Variants in GRK3 observed in about 807,000 individuals in gnomAD.
GRK3 encodes the protein adrenergic, beta, receptor kinase 2.
A neutral mutation model predicts 95.7 loss-of-function variants in GRK3; 54 were observed. The observed-to-expected ratio is 0.56, with a 90% confidence interval of 0.45 to 0.71. The LOEUF (loss-of-function observed/expected upper bound fraction) is 0.71, where lower values mean the gene tolerates loss of function less well. Among genes scored for constraint, GRK3 ranks in the 30% least tolerant of loss-of-function variants. The pLI, the probability that GRK3 is intolerant of heterozygous loss-of-function variation, is 0.00. For synonymous variants in GRK3, 281 were observed against 290.8 expected (o/e 0.97, Z 0.34); for missense variants, 649 against 851.2 (o/e 0.76, Z 2.96).
chr22:25,580,165 C>G (rs1346734209), intron 1 of GRK3: 3 of 152,302 alleles, frequency 2.0e-5, no homozygotes, highest in African/African-American at 7.2e-5. Flanking sequence ...AAGCAACAGA[C>G]AGAAAGGGCA....
intron 3 of GRK3, among the ~76,000 whole-genome samples, chr22:25,647,024 A>C (rs1323626253): frequency 1.4e-5 from 2 of 143,548 alleles, no homozygotes; most frequent in Non-Finnish European, 3.1e-5. Context: ...TTGTCTCAAA[A>C]AAAAAAAAAA....
intron 1 of GRK3, among the ~76,000 whole-genome samples, chr22:25,584,054 G>T (rs1424336162): frequency 6.6e-6 from 1 of 152,224 alleles, no homozygotes; most frequent in East Asian, 1.9e-4. Flanking sequence ...TATGAAACTA[G>T]AATCAACTGG....
chr22:25,611,829 G>GACTTT (rs1569163613), intron 2 of GRK3, among the ~76,000 whole-genome samples: 1 of 138,004 alleles, frequency 7.2e-6, no homozygotes, highest in African/African-American at 2.7e-5. Context: ...ATAGTTTAGT[G>GACTTT]TCTTTTTTTT....
chr22:25,715,758 C>A (rs2085379033), intron 18 of GRK3, among the ~76,000 whole-genome samples: 1 of 152,110 alleles, frequency 6.6e-6, no homozygotes, highest in Admixed American at 6.5e-5. Flanking sequence ...CCTTATGTAA[C>A]AAGAATGGCC....
At chr22:25,682,945 C>T (rs2085085944) in intron 9 of GRK3, among the ~76,000 whole-genome samples, 3 of 152,244 alleles carry the variant, frequency 2.0e-5, no homozygotes, top group African/African-American at 4.8e-5. Context: ...GCTTCTCTCA[C>T]TCCATGTTGC....
At chr22:25,612,434 G>GT (rs943372127) in intron 2 of GRK3, among the ~76,000 whole-genome samples, 34 of 152,052 alleles carry the variant, frequency 2.2e-4, no homozygotes, top group Non-Finnish European at 3.1e-4. Context: ...AATAGAATGA[G>GT]TTTTTTTGTA....
chr22:25,672,281 T>C lies in GRK3; in HGVS notation c.504-15T>C, dbSNP rs2084989260. 2.3e-6 allele frequency: 3 copies of C among 1,297,672 alleles called. No individual in the cohort carries two copies. The allele number at this position is 1,297,672 out of a possible 1,614,324, so 80.4% of individuals were successfully genotyped here. A position where few individuals can be genotyped will look rare whatever the true frequency, so the allele number is the denominator to read the frequency against. On this transcript the variant is annotated splice_polypyrimidine_tract_variant and intron_variant, in intron 6 of 20. Transcript: ENST00000324198. ...TGATATTTAACTTTTTAGTAATTAT[T>C]TTATTCTCTTTTAGTGACAAGTTCA...
intron 17 of GRK3, among the ~76,000 whole-genome samples, chr22:25,712,937 G>A (rs891439717): frequency 3.9e-5 from 6 of 152,232 alleles, no homozygotes; most frequent in African/African-American, 1.2e-4. Flanking sequence ...GCAGGGGACT[G>A]CATTTTAAGA....
intron 2 of GRK3, among the ~76,000 whole-genome samples, chr22:25,635,115 A>G (rs2084690600): frequency 6.6e-6 from 1 of 152,210 alleles, no homozygotes; most frequent in Non-Finnish European, 1.5e-5. Flanking sequence ...AAACATTGAG[A>G]TGTATTTGTG....
chr22:25,637,065 G>A (rs1389414541), intron 2 of GRK3, among the ~76,000 whole-genome samples: 1 of 152,166 alleles, frequency 6.6e-6, no homozygotes, highest in African/African-American at 2.4e-5. Flanking sequence ...AGAACAAAAA[G>A]GTGGAGAAAG....
intron 1 of GRK3, among the ~76,000 whole-genome samples, chr22:25,595,537 A>G (rs1422824840): frequency 6.6e-6 from 1 of 152,254 alleles, no homozygotes; most frequent in African/African-American, 2.4e-5. Flanking sequence ...GGGACTGAAT[A>G]GTACAGTGAA....
At chr22:25,711,529 G>A (rs901790469) in intron 17 of GRK3, among the ~76,000 whole-genome samples, 10 of 152,068 alleles carry the variant, frequency 6.6e-5, no homozygotes, top group Admixed American at 2.0e-4. Context: ...AGATCTCCCC[G>A]TGTTAGGATG....
chr22:25,659,791 A>C (rs953803323), intron 3 of GRK3, among the ~76,000 whole-genome samples: 5 of 152,148 alleles, frequency 3.3e-5, no homozygotes, highest in Admixed American at 6.5e-5. Flanking sequence ...TTCTGTTGTC[A>C]AGTTGGAGCT....
intron 1 of GRK3, among the ~76,000 whole-genome samples, chr22:25,569,421 C>G (rs1055996657): frequency 2.6e-5 from 4 of 152,162 alleles, no homozygotes; most frequent in Middle Eastern, 3.2e-3. Flanking sequence ...CTAGAATCTG[C>G]CAAAGCTGAG....
intron 13 of GRK3, 151 bp from the exon 14 acceptor site, chr22:25,703,359 C>T: frequency 1.7e-6 from 1 of 577,132 alleles, no homozygotes; most frequent in South Asian, 2.5e-5. Context: ...ACCAGTTCTT[C>T]CATGGAAATG....
chr22:25,627,848 A>G (rs990519488), intron 2 of GRK3, among the ~76,000 whole-genome samples: 46 of 152,214 alleles, frequency 3.0e-4, no homozygotes, highest in African/African-American at 9.9e-4. Context: ...ATTTCTGTCA[A>G]CGCCAGGAAT....
intron 1 of GRK3, among the ~76,000 whole-genome samples, chr22:25,575,948 A>G (rs1418830255): frequency 6.6e-6 from 1 of 152,224 alleles, no homozygotes; most frequent in East Asian, 1.9e-4. Context: ...TAATCAGCCA[A>G]GTCTGCCTGA....
rs1205734893 is a variant in GRK3 at position 25,718,168 on chromosome 22, C to G, written c.1655-77C>G. The G allele has an allele frequency of 2.0e-6, 3 of 1,491,458 alleles. No homozygotes were observed. The East Asian group carries it at 6.9e-5, about 34-fold the overall frequency. 92.4% of individuals were successfully genotyped at this position (1,491,458 alleles called of 1,614,324 possible). A position where few individuals can be genotyped will look rare whatever the true frequency, so the allele number is the denominator to read the frequency against. On this transcript the variant is annotated intron_variant, in intron 18 of 20. Transcript: ENST00000324198. ...GCTTTTTCCAAAAAGCATGTCTGTTCTTTTTTCAGAGAATAATGCTGCTAA... is the reference window on the plus strand; with the variant it reads ...GCTTTTTCCAAAAAGCATGTCTGTTGTTTTTTCAGAGAATAATGCTGCTAA...
intron 1 of GRK3, among the ~76,000 whole-genome samples, chr22:25,565,594 G>T (rs1931447729): frequency 6.6e-6 from 1 of 152,114 alleles, no homozygotes; most frequent in Non-Finnish European, 1.5e-5. Flanking sequence ...GGGCTCATTG[G>T]TCCCCCTTTC....
Sources: gnomAD v4.1 joint callset for allele counts (sites outside exome capture counted in the v4.1 genomes callset) on GRCh38, gnomAD v4.1.1 for gene constraint, MANE v1.5 for transcripts, NCBI Gene and HGNC (gene_info 2026-07-23, HGNC 2026-07-21) for gene names.